CELF5: variants seen among roughly 807,000 people sequenced by gnomAD.
CELF5 encodes CUGBP Elav-like family member 5, also known as CUG-BP and ETR-3 like factor 5.
Under a neutral mutation model 54.9 loss-of-function variants are expected in CELF5, and 6 were observed. The ratio of observed to expected loss-of-function variants is 0.11; its 90% CI spans 0.06 to 0.22. CELF5 has a LOEUF of 0.22. CELF5 is among the 10% of genes least tolerant of loss of function. CELF5 has a pLI of 1.00. For missense variants in CELF5, 401 were observed against 678.6 expected, an observed-to-expected ratio of 0.59 and a Z score of 4.54; for synonymous variants, 271 against 290.9, an observed-to-expected ratio of 0.93 and a Z score of 0.70.
At chr19:3,249,283 C>T (rs900501232) in intron 1 of CELF5, among the ~76,000 whole-genome samples, 1 of 152,124 alleles carries the variant, frequency 6.6e-6, no homozygotes, top group Admixed American at 6.5e-5. Flanking sequence ...TGTATCCATC[C>T]CAGGACCCCT....
chr19:3,245,390 G>A (rs572769970), intron 1 of CELF5, among the ~76,000 whole-genome samples: 1 of 146,624 alleles, frequency 6.8e-6, no homozygotes, highest in Non-Finnish European at 1.5e-5. Context: ...GTATGCATCT[G>A]TGTGTGTGTG....
chr19:3,274,099 G>T (rs1013908499), intron 3 of CELF5, among the ~76,000 whole-genome samples, 176 bp downstream of exon 3: 1 of 152,222 alleles, frequency 6.6e-6, no homozygotes, highest in African/African-American at 2.4e-5. Flanking sequence ...ACACCTTTTG[G>T]TGGGGGGAGA....
At chr19:3,256,954 GCTCATGGTACGT>G (rs2079736754) in intron 2 of CELF5, among the ~76,000 whole-genome samples, 1 of 152,038 alleles carries the variant, frequency 6.6e-6, no homozygotes, top group Middle Eastern at 3.2e-3. Flanking sequence ...CACGATCATA[GCTCATGGTACGT>G]CCCACTAATT....
chr19:3,240,334 C>CT (rs904483020), intron 1 of CELF5, among the ~76,000 whole-genome samples: 42 of 149,416 alleles, frequency 2.8e-4, no homozygotes, highest in South Asian at 6.4e-4. Context: ...TTCTTTCTTT[C>CT]TTTTTTTTTG....
At chr19:3,256,064 C>CAAAAAAAAAAAAAAAAAAAAAAAAA in intron 2 of CELF5, among the ~76,000 whole-genome samples, 1 of 139,558 alleles carries the variant, frequency 7.2e-6, no homozygotes, top group African/African-American at 2.7e-5. Flanking sequence ...GACCCTGTCT[C>CAAAAAAAAAAAAAAAAAAAAAAAAA]AAAAAAAAAG....
At chr19:3,280,255 A>T (rs1461521286) in intron 5 of CELF5, among the ~76,000 whole-genome samples, 2 of 152,148 alleles carry the variant, frequency 1.3e-5, no homozygotes, top group East Asian at 3.9e-4. Context: ...GATGGGCCAC[A>T]GGTTCATCTG....
intron 2 of CELF5, among the ~76,000 whole-genome samples, chr19:3,272,232 A>T (rs1039015436): frequency 5.3e-5 from 8 of 151,996 alleles, no homozygotes; most frequent in African/African-American, 1.9e-4. Context: ...AGCTGGGCGT[A>T]TTGGTGCGTG....
intron 1 of CELF5, among the ~76,000 whole-genome samples, chr19:3,246,848 C>G (rs2079574108): frequency 6.6e-6 from 1 of 152,170 alleles, no homozygotes; most frequent in Non-Finnish European, 1.5e-5. Flanking sequence ...CAATACTACC[C>G]AGAAACAAAA....
At chr19:3,226,268 TGAA>T (rs869303579) in intron 1 of CELF5, among the ~76,000 whole-genome samples, 2 of 37,384 alleles carry the variant, frequency 5.3e-5, no homozygotes, top group African/African-American at 1.4e-4. Flanking sequence ...ATGAATGAAT[TGAA>T]TGAATGAATG....
chr19:3,267,973 G>C (rs1336535573), intron 2 of CELF5, among the ~76,000 whole-genome samples: 1 of 152,040 alleles, frequency 6.6e-6, no homozygotes, highest in East Asian at 1.9e-4. Flanking sequence ...CTATAAAATG[G>C]GGCCCTAGAA....
Position 3,261,967 on chromosome 19 carries a change from C to T in CELF5, c.342+10900C>T, listed in dbSNP as rs143183292. Among the ~76,000 whole-genome samples the T allele has an allele frequency of 6.6e-5, 10 of 152,132 alleles. No homozygotes were observed. In the East Asian group the frequency reaches 1.2e-3, roughly 18 times the overall value. ...TGTGCAGTGTGCTGATCACTAGCTC[C>T]GTGAGGCTGTTGAGCCTTTGAATTG... On this transcript the variant is annotated intron_variant, in intron 2 of 12. Coordinates refer to ENST00000292672, the MANE Select transcript of CELF5 (RefSeq NM_021938.4).
chr19:3,290,911 C>T (rs2145316241), intron 11 of CELF5, among the ~76,000 whole-genome samples: 1 of 151,206 alleles, frequency 6.6e-6, no homozygotes, highest in East Asian at 2.0e-4. Flanking sequence ...TGCTTGAGTC[C>T]AGGAGTTCAA....
chr19:3,285,318 T>A (rs1287503940), intron 9 of CELF5, among the ~76,000 whole-genome samples: 4 of 136,998 alleles, frequency 2.9e-5, no homozygotes, highest in African/African-American at 1.1e-4. Context: ...CCCCTTACCC[T>A]CCCTCCTGCA....
intron 5 of CELF5, among the ~76,000 whole-genome samples, chr19:3,280,140 G>A (rs990614878): frequency 6.6e-6 from 1 of 152,200 alleles, no homozygotes; most frequent in Non-Finnish European, 1.5e-5. Flanking sequence ...GTGGCACCTG[G>A]ACAGCCATGG....
At chr19:3,293,298 G>A (rs2080381371) in intron 11 of CELF5, 21 bp from the exon 12 acceptor site, 1 of 1,613,662 alleles carries the variant, frequency 6.2e-7, no homozygotes, top group Non-Finnish European at 8.5e-7. Context: ...CAACCACGGA[G>A]GTCCACCCTG....
chr19:3,231,500 G>A (rs1000374978), intron 1 of CELF5, among the ~76,000 whole-genome samples: 2 of 148,826 alleles, frequency 1.3e-5, no homozygotes, highest in Admixed American at 1.3e-4. Flanking sequence ...ATGGGTGGAT[G>A]AATGGATTTA....
chr19:3,251,817 G>A (rs568935476), intron 2 of CELF5, among the ~76,000 whole-genome samples: 1 of 151,994 alleles, frequency 6.6e-6, no homozygotes, highest in East Asian at 1.9e-4. Context: ...TGGGATTACA[G>A]GCGTGCACCA....
At position 3,224,859 on chromosome 19, in the gene CELF5, G is replaced by A. The variant is rs751164257; in HGVS notation, c.120G>A (p.Lys40=). The part of the protein sequence containing the change: ...EPPGGQPDGM[K]DLDAIKLFVG... Reference sequence around the variant, plus strand: ...CCGGGGGGCAGCCCGACGGCATGAAGGACCTGGACGCCATCAAACTCTTCG... The same window carrying A: ...CCGGGGGGCAGCCCGACGGCATGAAAGACCTGGACGCCATCAAACTCTTCG... The change falls in exon 1 of 13, where the codon AAG becomes AAA. Residue 40 remains lysine (K), a synonymous_variant. Transcript: ENST00000292672. 6 of 1,604,802 alleles carry A rather than the reference G, an allele frequency of 3.7e-6. No individual in the cohort carries two copies. The highest frequency in any genetic ancestry group is 2.3e-5 in the East Asian group (1 of 44,312).
chr19:3,254,930 T>C (rs2079701033), intron 2 of CELF5, among the ~76,000 whole-genome samples: 1 of 151,066 alleles, frequency 6.6e-6, no homozygotes, highest in South Asian at 2.1e-4. Context: ...TCACTCACTC[T>C]TCCACCCATC....
Sources: allele counts gnomAD v4.1 joint callset (sites outside exome capture counted in the v4.1 genomes callset), GRCh38; gene constraint gnomAD v4.1.1; transcripts MANE v1.5; gene names NCBI Gene and HGNC (gene_info 2026-07-23, HGNC 2026-07-21).